Variants in RBFOX1 observed in about 807,000 individuals in gnomAD.
RBFOX1 encodes RNA binding fox-1 homolog 1.
A neutral mutation model predicts 57.7 loss-of-function variants in RBFOX1; 8 were observed. That is an observed-to-expected ratio of 0.14 (90% CI 0.08 to 0.25). The LOEUF is 0.25. Among genes scored for constraint, RBFOX1 ranks in the 10% least tolerant of loss-of-function variants. The probability of loss-of-function intolerance (pLI) is 1.00; values close to 1 mark genes in which losing one functional copy is unlikely to be tolerated. For missense variants in RBFOX1, 611 were observed against 548.5 expected, an observed-to-expected ratio of 1.11 and a Z score of -1.14; for synonymous variants, 326 against 222.4, an observed-to-expected ratio of 1.47 and a Z score of -4.15.
chr16:7,405,934 C>T (rs940721527), intron 4 of RBFOX1, among the ~76,000 whole-genome samples: 3 of 152,110 alleles, frequency 2.0e-5, no homozygotes, highest in Admixed American at 6.5e-5. Flanking sequence ...TTTTAGTTGT[C>T]ACGACTGGGC....
Position 5,414,737 on chromosome 16 carries a change from C to G in RBFOX1, c.220-52479C>G, listed in dbSNP as rs144257933. On this transcript the variant is annotated intron_variant, in intron 1 of 2. Coordinates refer to the RBFOX1 transcript ENST00000585867. ...GCCACTAACTCACCATCAGTCCAAG[C>G]CTAGAATGACTGGTTGGATCTTAAG... 1.1e-4 allele frequency among the ~76,000 whole-genome samples: 16 copies of G among 152,256 alleles called. No homozygotes were observed. In the East Asian group the frequency reaches 3.1e-3, roughly 29 times the overall value.
At chr16:5,399,639 G>A (rs1395008685) in intron 1 of RBFOX1, among the ~76,000 whole-genome samples, 6 of 152,020 alleles carry the variant, frequency 3.9e-5, no homozygotes, top group African/African-American at 1.2e-4. Flanking sequence ...GGGATGATGA[G>A]GTGGGAGGAT....
chr16:6,180,850 G>C (rs1184276549), intron 1 of RBFOX1, among the ~76,000 whole-genome samples: 1 of 152,166 alleles, frequency 6.6e-6, no homozygotes, highest in Non-Finnish European at 1.5e-5. Context: ...ACAGGTGTGA[G>C]CCACTGCACC....
chr16:7,643,735 A>C (rs1464929970), intron 11 of RBFOX1, among the ~76,000 whole-genome samples: 1 of 152,174 alleles, frequency 6.6e-6, no homozygotes, highest in Non-Finnish European at 1.5e-5. Context: ...CTGCCTTTGA[A>C]CTCTTACCAG....
intron 4 of RBFOX1, among the ~76,000 whole-genome samples, chr16:7,091,914 T>G (rs1301067450): frequency 1.3e-5 from 2 of 152,202 alleles, no homozygotes; most frequent in East Asian, 1.9e-4. Flanking sequence ...TCATGCCAGT[T>G]TAATTTAAGG....
intron 3 of RBFOX1, among the ~76,000 whole-genome samples, chr16:5,745,771 C>G (rs1461147525): frequency 1.3e-5 from 2 of 152,136 alleles, no homozygotes; most frequent in African/African-American, 4.8e-5. Context: ...TATCCTTCAC[C>G]CACTTTTTGA....
intron 3 of RBFOX1, among the ~76,000 whole-genome samples, chr16:6,816,737 C>CA (rs1181907817): frequency 0.11 from 10,298 of 95,356 alleles, 698 homozygotes; most frequent in African/African-American, 0.23. Context: ...AAGACTGTCT[C>CA]AAAAAAAAAA....
chr16:6,593,987 C>T (rs1392314913), intron 2 of RBFOX1, among the ~76,000 whole-genome samples: 2 of 152,166 alleles, frequency 1.3e-5, no homozygotes, highest in Admixed American at 6.5e-5. Flanking sequence ...TGGAAGATTC[C>T]AGCCTCCCTC....
intron 4 of RBFOX1, among the ~76,000 whole-genome samples, chr16:7,095,895 C>G (rs1283607310): frequency 6.6e-6 from 1 of 151,632 alleles, no homozygotes; most frequent in Non-Finnish European, 1.5e-5. Context: ...TGTCTGTAAT[C>G]CCAGCTACTT....
chr16:6,120,808 C>T (rs577966248), intron 1 of RBFOX1, among the ~76,000 whole-genome samples: 1 of 152,250 alleles, frequency 6.6e-6, no homozygotes, highest in South Asian at 2.1e-4. Flanking sequence ...TCTGGTGCTG[C>T]TAACATTCAC....
intron 2 of RBFOX1, among the ~76,000 whole-genome samples, chr16:6,410,947 C>G (rs74956180): frequency 0.14 from 20,701 of 152,130 alleles, 2,229 homozygotes; most frequent in African/African-American, 0.29. Context: ...GCTAAGGACA[C>G]AGCAGGCATT....
At chr16:5,749,137 T>G (rs1175948312) in intron 3 of RBFOX1, among the ~76,000 whole-genome samples, 1 of 152,160 alleles carries the variant, frequency 6.6e-6, no homozygotes, top group African/African-American at 2.4e-5. Flanking sequence ...TGAAGCTTAG[T>G]TTTGCTGGAT....
chr16:5,719,070 A>G (rs1322641875), intron 3 of RBFOX1, among the ~76,000 whole-genome samples: 1 of 152,212 alleles, frequency 6.6e-6, no homozygotes, highest in Non-Finnish European at 1.5e-5. Context: ...GAAGTCAGTA[A>G]AAGTTAACTG....
intron 4 of RBFOX1, among the ~76,000 whole-genome samples, chr16:7,457,077 G>C (rs1488305051): frequency 6.6e-6 from 1 of 151,926 alleles, no homozygotes; most frequent in Non-Finnish European, 1.5e-5. Flanking sequence ...AGTAGAGACG[G>C]GGTTTCTCCG....
At chr16:5,333,729 A>G (rs943852846) in intron 1 of RBFOX1, among the ~76,000 whole-genome samples, 1 of 152,250 alleles carries the variant, frequency 6.6e-6, no homozygotes, top group African/African-American at 2.4e-5. Flanking sequence ...AGTCTGCTAC[A>G]CACCTAGGCT....
At chr16:7,306,753 A>G (rs1285663928) in intron 4 of RBFOX1, among the ~76,000 whole-genome samples, 2 of 152,156 alleles carry the variant, frequency 1.3e-5, no homozygotes, top group Non-Finnish European at 1.5e-5. Context: ...TGTCCTGGCC[A>G]TTACTGTCGT....
At position 6,172,509 on chromosome 16, in the gene RBFOX1, C is replaced by G. The variant is rs76283234; in HGVS notation, c.-126-144486C>G. Reference sequence around the variant, plus strand: ...GCCCCTGTGGCCCCCTGTAGTGCCCCTCAACTTCATGTCCTACAGTAGAAA... The same window carrying G: ...GCCCCTGTGGCCCCCTGTAGTGCCCGTCAACTTCATGTCCTACAGTAGAAA... On this transcript the variant is annotated intron_variant, in intron 1 of 15. Coordinates refer to ENST00000550418, the MANE Select transcript of RBFOX1 (RefSeq NM_018723.4). Among the ~76,000 whole-genome samples the G allele has an allele frequency of 3.5e-3, 538 of 152,246 alleles. 3 individuals carry two copies. The highest frequency in any genetic ancestry group is 0.012 in the African/African-American group (490 of 41,546).
At chr16:7,511,994 G>A (rs1600495347) in intron 4 of RBFOX1, among the ~76,000 whole-genome samples, 1 of 152,190 alleles carries the variant, frequency 6.6e-6, no homozygotes, top group Non-Finnish European at 1.5e-5. Context: ...TTTGCTTGAT[G>A]ATGTGGGGAA....
intron 3 of RBFOX1, among the ~76,000 whole-genome samples, chr16:6,862,046 C>A (rs552383489): frequency 8.9e-4 from 136 of 152,060 alleles, no homozygotes; most frequent in Admixed American, 1.6e-3. Context: ...TCAATACTGT[C>A]AGGAAAAATC....
Sources: allele counts gnomAD v4.1 joint callset (sites outside exome capture counted in the v4.1 genomes callset), GRCh38; gene constraint gnomAD v4.1.1; transcripts MANE v1.5; gene names NCBI Gene and HGNC (gene_info 2026-07-23, HGNC 2026-07-21).